Variants in PCDHGA4 observed in about 807,000 individuals in gnomAD.
PCDHGA4 encodes the protein protocadherin gamma-A4.
In PCDHGA4, 38 loss-of-function variants were observed where a neutral mutation model predicts 54.6. The observed-to-expected ratio is 0.70, with a 90% confidence interval of 0.54 to 0.91. PCDHGA4 has a LOEUF of 0.91. Ranked by LOEUF, PCDHGA4 falls within the 40% of genes least tolerant of loss-of-function variation. PCDHGA4 has a pLI of 0.00. For synonymous variants in PCDHGA4, 511 were observed against 512.9 expected, an observed-to-expected ratio of 1.00 and a Z score of 0.05; for missense variants, 1,298 against 1,220.9, an observed-to-expected ratio of 1.06 and a Z score of -0.94.
At chr5:141,417,602 C>T (rs556223277) in intron 1 of PCDHGA4, 2 of 510,170 alleles carry the variant, frequency 3.9e-6, no homozygotes, top group Admixed American at 3.8e-5. Context: ...TGGGCGCCGC[C>T]GTCGGCCAGT....
chr5:141,423,594 C>A, intron 1 of PCDHGA4: 1 of 1,599,308 alleles, frequency 6.3e-7, no homozygotes, highest in South Asian at 1.1e-5. Context: ...GTGAGAAAAG[C>A]GAGCCACTCT....
Position 141,432,647 on chromosome 5 carries a change from C to G in PCDHGA4, c.2515-62160C>G, listed in dbSNP as rs747789886. The G allele has an allele frequency of 1.7e-5, 28 of 1,613,678 alleles. No individual in the cohort carries two copies. In the Admixed American group the frequency reaches 4.5e-4, roughly 26 times the overall value. ...GCACACGGGCGAGGTGCGCACGGCG[C>G]GAGCCCTGCTGGACAGAGACGCGCT... On this transcript the variant is annotated intron_variant, in intron 1 of 3. Coordinates refer to ENST00000571252, the MANE Select transcript of PCDHGA4 (RefSeq NM_018917.4). This position sits in a 1 kb window ranked among gnomAD's most constrained non-coding sequence, Gnocchi z 6.0.
chr5:141,491,871 C>T lies in PCDHGA4; in HGVS notation c.2515-2936C>T, dbSNP rs1222191027. 2.1e-6 allele frequency: 3 copies of T among 1,451,434 alleles called. No individual in the cohort carries two copies. Among genetic ancestry groups the T allele is most frequent in the Non-Finnish European group, 2.7e-6 (3 of 1,098,418 alleles). 89.9% of individuals were successfully genotyped at this position (1,451,434 alleles called of 1,614,324 possible). ...ACCGTTTGCGCGAAACCAGAGTGGC[C>T]GATTAAGGGATGGGGCTCCGAGCAC... On this transcript the variant is annotated intron_variant, in intron 1 of 3. Transcript: ENST00000571252. The surrounding 1 kb of genome is among the most constrained non-coding windows in gnomAD (Gnocchi z 6.9).
chr5:141,423,699 T>C, intron 1 of PCDHGA4: 1 of 1,469,146 alleles, frequency 6.8e-7, no homozygotes, highest in East Asian at 2.5e-5. Context: ...GTTGGTGTCT[T>C]GGCACAAGTC....
intron 1 of PCDHGA4, chr5:141,378,196 A>C (rs1197830416): frequency 6.6e-6 from 1 of 152,188 alleles, no homozygotes; most frequent in Non-Finnish European, 1.5e-5. Flanking sequence ...TGCCTACTAC[A>C]GTGTCTTTTG....
chr5:141,457,410 C>G (rs746966828), intron 1 of PCDHGA4, among the ~76,000 whole-genome samples: 1 of 152,182 alleles, frequency 6.6e-6, no homozygotes, highest in Non-Finnish European at 1.5e-5. Context: ...TTTCACATTA[C>G]CCATCCCTTT....
At chr5:141,400,551 T>G in intron 1 of PCDHGA4, 1 of 1,613,726 alleles carries the variant, frequency 6.2e-7, no homozygotes, top group Non-Finnish European at 8.5e-7. Context: ...TCTATTCTTT[T>G]TCATTACCCA....
intron 1 of PCDHGA4, chr5:141,366,307 GGTCACCGTTGCC>G: frequency 5.6e-6 from 9 of 1,613,748 alleles, no homozygotes; most frequent in Non-Finnish European, 7.6e-6. Flanking sequence ...CCACCTTCAC[GGTCACCGTTGCC>G]GTGGCCGACA....
At chr5:141,419,084 G>A in intron 1 of PCDHGA4, 2 of 1,613,920 alleles carry the variant, frequency 1.2e-6, no homozygotes, top group Non-Finnish European at 1.7e-6. Flanking sequence ...AACAGATGAG[G>A]CCCTGGATCG....
rs768635851 is a variant in PCDHGA4 at position 141,489,334 on chromosome 5, C to G, written c.2515-5473C>G. 2 of 1,606,614 alleles carry G rather than the reference C, an allele frequency of 1.2e-6. No individual in the cohort carries two copies. Among genetic ancestry groups the G allele is most frequent in the Non-Finnish European group, 1.7e-6 (2 of 1,175,584 alleles). On this transcript the variant is annotated intron_variant, in intron 1 of 3. Coordinates refer to ENST00000571252, the MANE Select transcript of PCDHGA4 (RefSeq NM_018917.4). The surrounding 1 kb of genome is among the most constrained non-coding windows in gnomAD (Gnocchi z 4.5). Reference sequence around the variant, plus strand: ...CTGGGGCTGGGTGTCTGGGCAGCTTCGTTACTCAGTGGTGGAGGAGTCTGA... The same window carrying G: ...CTGGGGCTGGGTGTCTGGGCAGCTTGGTTACTCAGTGGTGGAGGAGTCTGA...
chr5:141,454,097 C>T (rs1021353610), intron 1 of PCDHGA4, among the ~76,000 whole-genome samples: 10 of 152,292 alleles, frequency 6.6e-5, no homozygotes, highest in Middle Eastern at 3.4e-3. Flanking sequence ...TTGAATTGAA[C>T]ATAAATGGAG....
At chr5:141,396,636 A>G (rs1206522598) in intron 1 of PCDHGA4, 1 of 152,050 alleles carries the variant, frequency 6.6e-6, no homozygotes, top group African/African-American at 2.4e-5. Context: ...AAAAAAAACT[A>G]ATATTAATAG....
At chr5:141,421,994 T>A (rs765586654) in intron 1 of PCDHGA4, 3 of 1,608,922 alleles carry the variant, frequency 1.9e-6, no homozygotes, top group Non-Finnish European at 2.5e-6. Flanking sequence ...CCAGAAAACA[T>A]CAGCTCCGGA....
chr5:141,388,378 A>G, intron 1 of PCDHGA4: 1 of 1,614,028 alleles, frequency 6.2e-7, no homozygotes, highest in Non-Finnish European at 8.5e-7. Context: ...ATTGGTAGCA[A>G]CACACTGCAG....
intron 3 of PCDHGA4, among the ~76,000 whole-genome samples, chr5:141,507,713 C>T (rs2099862763): frequency 6.6e-6 from 1 of 152,234 alleles, no homozygotes; most frequent in Non-Finnish European, 1.5e-5. Flanking sequence ...GGCCCCAAAC[C>T]CTCCAAGCAA....
intron 1 of PCDHGA4, among the ~76,000 whole-genome samples, chr5:141,438,792 G>T (rs2098065674): frequency 6.7e-6 from 1 of 149,346 alleles, no homozygotes. Flanking sequence ...CTCTCCAGTA[G>T]CTGGGATTAC....
At chr5:141,443,054 A>G (rs1591749542) in intron 1 of PCDHGA4, among the ~76,000 whole-genome samples, 1 of 152,218 alleles carries the variant, frequency 6.6e-6, no homozygotes. Flanking sequence ...TTATTGTTCC[A>G]CTGAAGAGCG....
rs527720732 is a variant in PCDHGA4 at position 141,356,540 on chromosome 5, A to G, written c.1433A>G (p.Asp478Gly). 1 of 1,614,106 alleles carries G rather than the reference A, an allele frequency of 6.2e-7. No individual in the cohort carries two copies. Among genetic ancestry groups the G allele is most frequent in the East Asian group, 2.2e-5 (1 of 44,870 alleles). The change falls in exon 1 of 4, where the codon GAC becomes GGC. Residue 478 changes from aspartate to glycine, a missense_variant. Asp to Gly is a moderately conservative substitution (Grantham distance 94). Coordinates refer to ENST00000571252, the MANE Select transcript of PCDHGA4 (RefSeq NM_018917.4). ...TCACTGCAAGTGATGGACATCAATG[A>G]CAACCCACCCACTTTCCCTCATGCT... ...HISLQVMDIN[D>G]NPPTFPHASY...
chr5:141,375,266 GA>G (rs1771293151), intron 1 of PCDHGA4: 1 of 1,613,846 alleles, frequency 6.2e-7, no homozygotes. Flanking sequence ...ATTTGAATTG[GA>G]AAAATCAGTT....
Sources: allele counts gnomAD v4.1 joint callset (sites outside exome capture counted in the v4.1 genomes callset), GRCh38; gene constraint gnomAD v4.1.1; non-coding constraint Gnocchi (gnomAD v3.1); transcripts MANE v1.5; gene names NCBI Gene and HGNC (gene_info 2026-07-23, HGNC 2026-07-21).